SRBD1: variants seen among roughly 807,000 people sequenced by gnomAD.
The protein encoded by SRBD1 is S1 RNA-binding domain-containing protein 1.
SRBD1 carries 88 observed loss-of-function variants against 115.3 expected under a neutral mutation model. That is an observed-to-expected ratio of 0.76 (90% CI 0.64 to 0.91). SRBD1 has a LOEUF of 0.91. Among genes scored for constraint, SRBD1 ranks in the 40% least tolerant of loss-of-function variants. The pLI is 0.00. For synonymous variants in SRBD1, 509 were observed against 407.7 expected, an observed-to-expected ratio of 1.25 and a Z score of -2.99; for missense variants, 1,385 against 1,177.4, an observed-to-expected ratio of 1.18 and a Z score of -2.58.
intron 4 of SRBD1, among the ~76,000 whole-genome samples, chr2:45,588,099 G>A (rs1370493272): frequency 6.6e-6 from 1 of 152,166 alleles, no homozygotes. Context: ...CTGAACTAAT[G>A]AAATAGCTTT....
intron 14 of SRBD1, among the ~76,000 whole-genome samples, chr2:45,543,535 A>C (rs1197171697): frequency 1.3e-5 from 2 of 152,240 alleles, no homozygotes; most frequent in African/African-American, 4.8e-5. Context: ...CTATCAGATT[A>C]TCTGTTCAGA....
At chr2:45,447,750 G>A (rs564362090) in intron 16 of SRBD1, 2 of 152,262 alleles carry the variant, frequency 1.3e-5, no homozygotes, top group African/African-American at 4.8e-5. Flanking sequence ...GATAGTTATT[G>A]TAGGGGTTAT....
intron 14 of SRBD1, among the ~76,000 whole-genome samples, chr2:45,537,289 T>C (rs1671790743): frequency 6.6e-6 from 1 of 152,194 alleles, no homozygotes; most frequent in Admixed American, 6.5e-5. Flanking sequence ...ACCTAAAAAT[T>C]GTACTTCTTG....
intron 4 of SRBD1, among the ~76,000 whole-genome samples, chr2:45,588,532 G>C (rs536222091): frequency 2.0e-5 from 3 of 152,242 alleles, no homozygotes; most frequent in East Asian, 1.9e-4. Flanking sequence ...GAAACCTTAG[G>C]AGATACTGTG....
intron 16 of SRBD1, among the ~76,000 whole-genome samples, chr2:45,427,091 C>CT (rs1353322598): frequency 6.6e-6 from 1 of 152,068 alleles, no homozygotes; most frequent in Non-Finnish European, 1.5e-5. Context: ...TACAAGGAAA[C>CT]TAAGAACCCT....
At chr2:45,408,989 G>T (rs192420104) in intron 19 of SRBD1, among the ~76,000 whole-genome samples, 2 of 152,130 alleles carry the variant, frequency 1.3e-5, no homozygotes, top group African/African-American at 4.8e-5. Context: ...TTGGGAGGCC[G>T]AGTAGGACTG....
At chr2:45,408,054 T>C (rs1386525806) in intron 19 of SRBD1, among the ~76,000 whole-genome samples, 1 of 152,136 alleles carries the variant, frequency 6.6e-6, no homozygotes, top group Non-Finnish European at 1.5e-5. Context: ...GTGGGTGATA[T>C]TATGGAAGGG....
intron 2 of SRBD1, among the ~76,000 whole-genome samples, chr2:45,604,054 C>T (rs534706802): frequency 1.3e-5 from 2 of 152,212 alleles, no homozygotes; most frequent in South Asian, 2.1e-4. Context: ...GTCCTGTCCA[C>T]TCTACCTTCA....
chr2:45,578,204 A>C (rs1171144069), intron 7 of SRBD1, among the ~76,000 whole-genome samples: 1 of 152,222 alleles, frequency 6.6e-6, no homozygotes, highest in East Asian at 1.9e-4. Context: ...TTGTGCATCT[A>C]ACATTCTGAA....
At chr2:45,559,494 T>G (rs191833108) in intron 10 of SRBD1, among the ~76,000 whole-genome samples, 1 of 152,318 alleles carries the variant, frequency 6.6e-6, no homozygotes, top group East Asian at 1.9e-4. Context: ...CGTAATGATT[T>G]TCCCAGTGTT....
chr2:45,526,571 G>A (rs185897144), intron 14 of SRBD1, among the ~76,000 whole-genome samples: 20 of 151,860 alleles, frequency 1.3e-4, no homozygotes, highest in Non-Finnish European at 2.9e-4. Context: ...ATTAAAAATC[G>A]CTGAATTATA....
At chr2:45,562,507 C>T (rs1169768822) in intron 10 of SRBD1, 146 bp downstream of exon 10, 5 of 512,892 alleles carry the variant, frequency 9.7e-6, no homozygotes, top group Admixed American at 4.1e-5. Flanking sequence ...GCTGGGATTA[C>T]AGGCGTGAGC....
chr2:45,536,116 T>G (rs1396582725), intron 14 of SRBD1, among the ~76,000 whole-genome samples: 9 of 152,020 alleles, frequency 5.9e-5, no homozygotes, highest in African/African-American at 1.9e-4. Flanking sequence ...GAAGTCAATG[T>G]GCTCTACTGA....
Position 45,432,307 on chromosome 2 carries a change from GTGTGAGCCAC to G in SRBD1, c.2050-12423_2050-12414del, listed in dbSNP as rs562343362. Among the ~76,000 whole-genome samples the G allele has an allele frequency of 1.8e-3, 270 of 152,290 alleles. 1 individual carries two copies. The highest frequency in any genetic ancestry group is 6.2e-3 in the African/African-American group (259 of 41,550). On this transcript the variant is annotated intron_variant, in intron 16 of 20. Transcript: ENST00000263736. ...GCCTCCCAAAGTGCTGGGATTACAG[GTGTGAGCCAC>G]TGCGCCTGGCCAACACTATTTTCTA...
chr2:45,519,490 G>A (rs1284062266), intron 14 of SRBD1, among the ~76,000 whole-genome samples: 2 of 152,142 alleles, frequency 1.3e-5, no homozygotes, highest in Non-Finnish European at 2.9e-5. Context: ...GAGTATCTTT[G>A]ATTAAGCATG....
chr2:45,513,517 G>A (rs906194569), intron 14 of SRBD1, among the ~76,000 whole-genome samples: 1 of 151,720 alleles, frequency 6.6e-6, no homozygotes, highest in Admixed American at 6.6e-5. Context: ...GTGCATAAAA[G>A]TTGAAGAAGA....
At chr2:45,433,724 C>T (rs1668407080) in intron 16 of SRBD1, among the ~76,000 whole-genome samples, 2 of 152,214 alleles carry the variant, frequency 1.3e-5, no homozygotes, top group South Asian at 2.1e-4. Flanking sequence ...TAAAGAAATG[C>T]TTTAGTTAGC....
At position 45,553,690 on chromosome 2, in the gene SRBD1, T is replaced by C. The variant is rs1340323729; in HGVS notation, c.1450A>G (p.Ile484Val). The C allele has an allele frequency of 5.0e-6, 8 of 1,608,322 alleles. No homozygotes were observed. The East Asian group carries it at 6.7e-5, about 13-fold the overall frequency. Residue 484 changes from isoleucine (I) to valine (V), a missense_variant, in exon 11 of 21, where the codon ATC becomes GTC. Transcript: ENST00000263736. ...RSFARPELMK[I>V]LYNSLNDSFK... is the part of the protein sequence containing the mutation. ...GAATCATTCAGTGAATTATATAAGATCTTCATTAACTCTGGCCTTGCAAAG... is the reference window on the plus strand; with the variant it reads ...GAATCATTCAGTGAATTATATAAGACCTTCATTAACTCTGGCCTTGCAAAG...
intron 10 of SRBD1, among the ~76,000 whole-genome samples, chr2:45,560,844 G>A (rs1196751200): frequency 1.3e-5 from 2 of 151,872 alleles, no homozygotes; most frequent in African/African-American, 4.8e-5. Context: ...GGTGGGTCAC[G>A]CCTGTCACGC....
Sources: gnomAD v4.1 joint callset for allele counts (sites outside exome capture counted in the v4.1 genomes callset) on GRCh38, gnomAD v4.1.1 for gene constraint, MANE v1.5 for transcripts, NCBI Gene and HGNC (gene_info 2026-07-23, HGNC 2026-07-21) for gene names.